PATJ: variants seen among roughly 807,000 people sequenced by gnomAD.
PATJ encodes the protein inaD-like protein.
In PATJ, 190 loss-of-function variants were observed where a neutral mutation model predicts 224.9. That is an observed-to-expected ratio of 0.84 (90% CI 0.75 to 0.95). The LOEUF (loss-of-function observed/expected upper bound fraction) is 0.95, where lower values mean the gene tolerates loss of function less well. Ranked by LOEUF, PATJ falls within the 40% of genes least tolerant of loss-of-function variation. The pLI, the probability that PATJ is intolerant of heterozygous loss-of-function variation, is 0.00. For synonymous variants in PATJ, 769 were observed against 820.3 expected, an observed-to-expected ratio of 0.94 and a Z score of 1.07; for missense variants, 2,121 against 2,270.3, an observed-to-expected ratio of 0.93 and a Z score of 1.34.
chr1:61,887,792 T>C (rs184390592), intron 22 of PATJ, among the ~76,000 whole-genome samples: 12 of 152,054 alleles, frequency 7.9e-5, no homozygotes, highest in African/African-American at 2.9e-4. Context: ...GCATTATGAG[T>C]AGGGAGATAA....
At chr1:62,000,736 T>C (rs1280585124) in intron 28 of PATJ, among the ~76,000 whole-genome samples, 1 of 150,898 alleles carries the variant, frequency 6.6e-6, no homozygotes, top group African/African-American at 2.5e-5. Context: ...CTGGGTCAAA[T>C]GGTATTTCTA....
chr1:61,843,222 A>G (rs1661392517), intron 17 of PATJ, among the ~76,000 whole-genome samples: 1 of 152,016 alleles, frequency 6.6e-6, no homozygotes, highest in Admixed American at 6.6e-5. Flanking sequence ...TCTGTATTTT[A>G]TTTTAATCTG....
rs891276509 is a variant in PATJ at position 62,052,929 on chromosome 1, G to A, written c.4125+1871G>A. 2.1e-4 allele frequency among the ~76,000 whole-genome samples: 32 copies of A among 152,130 alleles called. 1 individual carries two copies. The highest frequency in any genetic ancestry group is 7.0e-4 in the African/African-American group (29 of 41,434). On this transcript the variant is annotated intron_variant, in intron 31 of 43. Transcript: ENST00000642238. ...CACTATATCTCCATAGTCAGGTTAGGGGAAAGTCTTTTAAAGCAACAGAAT... is the reference window on the plus strand; with the variant it reads ...CACTATATCTCCATAGTCAGGTTAGAGGAAAGTCTTTTAAAGCAACAGAAT...
intron 27 of PATJ, among the ~76,000 whole-genome samples, chr1:61,944,328 A>T (rs936921885): frequency 1.1e-4 from 16 of 152,222 alleles, no homozygotes; most frequent in African/African-American, 3.6e-4. Context: ...AAATCCTTGA[A>T]AAAAGATTAG....
intron 27 of PATJ, among the ~76,000 whole-genome samples, chr1:61,940,731 A>T (rs1391885777): frequency 6.6e-6 from 1 of 151,836 alleles, no homozygotes; most frequent in Non-Finnish European, 1.5e-5. Flanking sequence ...CAAAAAAAAA[A>T]AAAGAGAAAA....
chr1:61,813,380 C>CAT (rs1557690831), intron 14 of PATJ, among the ~76,000 whole-genome samples: 2 of 21,816 alleles, frequency 9.2e-5, no homozygotes, highest in African/African-American at 3.1e-4. Context: ...TATATATATA[C>CAT]ACACACACAC....
intron 27 of PATJ, among the ~76,000 whole-genome samples, chr1:61,956,589 G>T (rs1466545780): frequency 6.6e-6 from 1 of 152,172 alleles, no homozygotes; most frequent in East Asian, 1.9e-4. Context: ...TGTCATCTAA[G>T]TGTTCGCTTG....
Position 61,990,175 on chromosome 1 carries a change from C to A in PATJ, c.3678C>A (p.Ile1226=). Residue 1226 remains isoleucine (I), a synonymous_variant, in exon 28 of 44, where the codon ATC becomes ATA. Coordinates refer to ENST00000642238, the MANE Select transcript of PATJ (RefSeq NM_001350145.3). ...EEEDAFTDQK[I]RQRYADLPGE... The stretch of plus-strand genomic sequence containing the variant: ...AAAAAATTCTTTTAATAGAAAAAAT[C>A]AGACAAAGATATGCAGATCTGCCTG... The A allele has an allele frequency of 6.3e-7, 1 of 1,591,812 alleles. No homozygotes were observed. Among genetic ancestry groups the A allele is most frequent in the African/African-American group, 1.4e-5 (1 of 73,328 alleles).
chr1:61,863,027 G>GTTTT (rs35033086), intron 19 of PATJ, among the ~76,000 whole-genome samples: 5 of 79,996 alleles, frequency 6.3e-5, no homozygotes, highest in Non-Finnish European at 1.3e-4. Flanking sequence ...ACTGTTTTCA[G>GTTTT]TTTTTTTTTT....
intron 5 of PATJ, among the ~76,000 whole-genome samples, chr1:61,770,908 C>T (rs1646563684): frequency 7.2e-6 from 1 of 138,534 alleles, no homozygotes; most frequent in African/African-American, 2.6e-5. Context: ...TGAGACCATG[C>T]CTGAAAAAAA....
intron 15 of PATJ, among the ~76,000 whole-genome samples, chr1:61,825,642 G>T (rs966564105): frequency 1.3e-5 from 2 of 152,158 alleles, no homozygotes; most frequent in Non-Finnish European, 2.9e-5. Flanking sequence ...TTAGATAGGA[G>T]TTGGTAATGG....
At chr1:61,858,337 A>G (rs1430909777) in intron 18 of PATJ, among the ~76,000 whole-genome samples, 1 of 152,134 alleles carries the variant, frequency 6.6e-6, no homozygotes, top group Non-Finnish European at 1.5e-5. Flanking sequence ...ATCTCGGCTC[A>G]CTGCAACCTC....
intron 26 of PATJ, among the ~76,000 whole-genome samples, chr1:61,918,405 T>A (rs1267600071): frequency 6.6e-6 from 1 of 150,964 alleles, no homozygotes; most frequent in Non-Finnish European, 1.5e-5. Flanking sequence ...CCTCCCAGAT[T>A]CAAGTGATTC....
At chr1:62,096,732 C>T (rs545124259) in intron 33 of PATJ, among the ~76,000 whole-genome samples, 63 of 152,246 alleles carry the variant, frequency 4.1e-4, no homozygotes, top group African/African-American at 1.5e-3. Flanking sequence ...TCTCCTGCCT[C>T]AGCCTCCCAA....
intron 17 of PATJ, among the ~76,000 whole-genome samples, chr1:61,848,466 A>G (rs1017102540): frequency 3.3e-5 from 5 of 152,198 alleles, no homozygotes; most frequent in African/African-American, 1.2e-4. Context: ...CTTAAGGTAT[A>G]CAAATCTGTG....
chr1:62,147,904 A>T (rs748817287), intron 41 of PATJ, among the ~76,000 whole-genome samples: 6 of 151,812 alleles, frequency 4.0e-5, no homozygotes, highest in Non-Finnish European at 8.8e-5. Context: ...CAGAGTTTGC[A>T]GTGAGCTGAG....
chr1:62,117,155 A>G lies in PATJ; in HGVS notation c.4827A>G (p.Leu1609=), dbSNP rs745756077. The part of the protein sequence containing the change: ...ILKCAQGLVQ[L]EIGRLRAGSW... Reference sequence around the variant, plus strand: ...AGTGTGCACAGGGACTTGTGCAGCTAGAGATTGGAAGACTCCGAGCTGGTT... The same window carrying G: ...AGTGTGCACAGGGACTTGTGCAGCTGGAGATTGGAAGACTCCGAGCTGGTT... Residue 1609 remains leucine (L), a synonymous_variant, in exon 37 of 44, where the codon CTA becomes CTG. Coordinates refer to ENST00000642238, the MANE Select transcript of PATJ (RefSeq NM_001350145.3). The G allele has an allele frequency of 1.2e-6, 2 of 1,613,842 alleles. No homozygotes were observed. Among genetic ancestry groups the G allele is most frequent in the Non-Finnish European group, 8.5e-7 (1 of 1,179,762 alleles).
intron 29 of PATJ, among the ~76,000 whole-genome samples, chr1:62,031,195 T>C (rs1463667013): frequency 2.0e-5 from 3 of 152,242 alleles, no homozygotes; most frequent in Non-Finnish European, 4.4e-5. Flanking sequence ...AGAGGCTCCT[T>C]CTCAGCATTT....
chr1:62,078,789 T>C (rs1658760257), intron 31 of PATJ: 1 of 151,466 alleles, frequency 6.6e-6, no homozygotes, highest in African/African-American at 2.4e-5. Context: ...TCAAGCACTT[T>C]ATTGAGTCCC....
Sources: gnomAD v4.1 joint callset for allele counts (sites outside exome capture counted in the v4.1 genomes callset) on GRCh38, gnomAD v4.1.1 for gene constraint, MANE v1.5 for transcripts, NCBI Gene and HGNC (gene_info 2026-07-23, HGNC 2026-07-21) for gene names.